COL14A1: variants seen among roughly 807,000 people sequenced by gnomAD.
COL14A1 encodes the protein collagen type XIV alpha 1 chain, also known as collagen alpha-1(XIV) chain.
Under a neutral mutation model 230.3 loss-of-function variants are expected in COL14A1, and 136 were observed. The ratio of observed to expected loss-of-function variants is 0.59; its 90% confidence interval spans 0.51 to 0.68. The LOEUF (loss-of-function observed/expected upper bound fraction) is 0.68. Ranked by LOEUF, COL14A1 falls within the 30% of genes least tolerant of loss-of-function variation. COL14A1 has a pLI of 0.00. For missense variants in COL14A1, 1,976 were observed against 2,215.8 expected (o/e 0.89, Z 2.17); for synonymous variants, 792 against 784.1 (o/e 1.01, Z -0.17).
chr8:120,310,868 C>T (rs1177736977), intron 37 of COL14A1, among the ~76,000 whole-genome samples: 1 of 152,238 alleles, frequency 6.6e-6, no homozygotes, highest in African/African-American at 2.4e-5. Context: ...TTTGCTGAGG[C>T]ATTTAAGGCC....
chr8:120,212,387 A>T (rs1817636840), intron 12 of COL14A1, 61 bp from the exon 13 acceptor site: 1 of 1,578,614 alleles, frequency 6.3e-7, no homozygotes, highest in Non-Finnish European at 8.7e-7. Context: ...GTTCTGTTCC[A>T]CTCTGATCAG....
rs1005384353 is a variant in COL14A1 at position 120,303,080 on chromosome 8, A to G, written c.4401+2262A>G. 4.6e-5 allele frequency among the ~76,000 whole-genome samples: 7 copies of G among 152,226 alleles called. No homozygotes were observed. The East Asian group carries it at 1.4e-3, about 29-fold the overall frequency. On this transcript the variant is annotated intron_variant, in intron 36 of 47. Transcript: ENST00000297848. Reference sequence around the variant, plus strand: ...ATAGGGATGTTAGTGATCTTTGTGCATTGATTTTATATCCTGAAACTTTGC... The same window carrying G: ...ATAGGGATGTTAGTGATCTTTGTGCGTTGATTTTATATCCTGAAACTTTGC...
intron 16 of COL14A1, 23 bp downstream of exon 16, chr8:120,226,789 A>T: frequency 1.9e-6 from 3 of 1,609,304 alleles, no homozygotes; most frequent in Non-Finnish European, 2.5e-6. Flanking sequence ...AAACAGACTG[A>T]AAATTAATCT....
chr8:120,250,847 G>T, intron 22 of COL14A1, 81 bp downstream of exon 22: 1 of 1,517,116 alleles, frequency 6.6e-7, no homozygotes, highest in South Asian at 1.2e-5. Context: ...TCGCTCTGTC[G>T]CTCAGGCTGG....
Position 120,269,432 on chromosome 8 carries a change from G to A in COL14A1, c.3074-603G>A, listed in dbSNP as rs956652810. ...ATACTTTCCCTTGGCTAGCATTAGT[G>A]TACATTTCTTGACATATATCAGTGG... is the stretch of plus-strand genomic sequence containing the variant. On this transcript the variant is annotated intron_variant, in intron 25 of 47. Coordinates refer to ENST00000297848, the MANE Select transcript of COL14A1 (RefSeq NM_021110.4). Among the ~76,000 whole-genome samples the A allele has an allele frequency of 2.6e-5, 4 of 151,754 alleles. No individual in the cohort carries two copies. The East Asian group carries it at 7.7e-4, about 29-fold the overall frequency.
chr8:120,143,212 T>C (rs567123850), intron 1 of COL14A1, among the ~76,000 whole-genome samples: 2 of 152,226 alleles, frequency 1.3e-5, no homozygotes, highest in South Asian at 4.1e-4. Context: ...TAAAGCCTGA[T>C]TGGCATATGC....
Position 120,315,944 on chromosome 8 carries a change from G to T in COL14A1, c.4606G>T (p.Gly1536Cys). ...KGDTGLPGPQ[G>C]IPGGVGSPGR... ...TCTTTTTTGTCCCTGTTCTACACAG[G>T]GTATCCCAGGAGGCGTTGGTTCACC... Residue 1536 changes from glycine to cysteine, a missense_variant and splice_region_variant, in exon 40 of 48, where the codon GGT (glycine) becomes TGT (cysteine). Coordinates refer to ENST00000297848, the MANE Select transcript of COL14A1 (RefSeq NM_021110.4). 1 of 1,613,720 alleles carries T rather than the reference G, an allele frequency of 6.2e-7. No individual in the cohort carries two copies. The highest frequency in any genetic ancestry group is 8.5e-7 in the Non-Finnish European group (1 of 1,179,952).
chr8:120,342,491 T>C (rs1822340261), intron 44 of COL14A1, 45 bp downstream of exon 44: 2 of 1,577,708 alleles, frequency 1.3e-6, no homozygotes, highest in Admixed American at 1.7e-5. Flanking sequence ...TAACAAACTC[T>C]CATCCAAAAG....
rs561894298 is a variant in COL14A1 at position 120,125,775 on chromosome 8, G to A, written c.-38+435G>A. Among the ~76,000 whole-genome samples, 29 of 152,262 alleles carry A rather than the reference G, an allele frequency of 1.9e-4. No homozygotes were observed. In the South Asian group the frequency reaches 5.2e-3, roughly 27 times the overall value. Reference sequence around the variant, plus strand: ...GCTGTGTGTGCATAAAGAACACGCTGTTTTTATTTATCTTGTGTTTGGGAT... The same window carrying A: ...GCTGTGTGTGCATAAAGAACACGCTATTTTTATTTATCTTGTGTTTGGGAT... On this transcript the variant is annotated intron_variant, in intron 1 of 47. Transcript: ENST00000297848.
At chr8:120,363,061 C>T (rs1053198158) in intron 45 of COL14A1, among the ~76,000 whole-genome samples, 1 of 152,170 alleles carries the variant, frequency 6.6e-6, no homozygotes, top group African/African-American at 2.4e-5. Flanking sequence ...GTTCACCTAA[C>T]CAAGGAGTAT....
intron 20 of COL14A1, 99 bp from the exon 21 acceptor site, chr8:120,247,514 A>AT: frequency 8.7e-7 from 1 of 1,143,388 alleles, no homozygotes; most frequent in Non-Finnish European, 1.2e-6. Flanking sequence ...AATATTTTTA[A>AT]TTTTGTGGGA....
intron 38 of COL14A1, among the ~76,000 whole-genome samples, 159 bp from the exon 39 acceptor site, chr8:120,315,374 A>T (rs1821184595): frequency 2.1e-5 from 1 of 46,960 alleles, no homozygotes; most frequent in African/African-American, 1.0e-4. Context: ...CCATTTAAAA[A>T]AAAAAAAAAA....
At position 120,313,998 on chromosome 8, in the gene COL14A1, C is replaced by T. The variant is rs1182480757; in HGVS notation, c.4522C>T (p.Pro1508Ser). 1.9e-6 allele frequency: 3 copies of T among 1,612,502 alleles called. No homozygotes were observed. The highest frequency in any genetic ancestry group is 2.2e-5 in the East Asian group (1 of 44,754). Residue 1508 changes from proline to serine, a missense_variant, in exon 38 of 48, where the codon CCA becomes TCA. Pro to Ser is a moderately conservative substitution (Grantham distance 74). Around this residue, in one of 3 missense-constraint regions of COL14A1, gnomAD observed 1,791 missense variants for 2,019.5 expected, o/e 0.89. Transcript: ENST00000297848. ...GPQGPPGPQG[P>S]SGLSIQGMPG... The stretch of plus-strand genomic sequence containing the variant: ...TCAGGGTCCACCTGGACCTCAAGGA[C>T]CAAGTGGTCTGTCCATTCAAGGAAT...
At chr8:120,278,925 A>G (rs1174454291) in intron 28 of COL14A1, among the ~76,000 whole-genome samples, 1 of 152,060 alleles carries the variant, frequency 6.6e-6, no homozygotes, top group African/African-American at 2.4e-5. Flanking sequence ...GACAGACTGG[A>G]TAAAGAAAAT....
intron 37 of COL14A1, among the ~76,000 whole-genome samples, chr8:120,312,412 G>A (rs1287345107): frequency 1.3e-5 from 2 of 152,118 alleles, no homozygotes; most frequent in Non-Finnish European, 2.9e-5. Context: ...ATAGATTAGA[G>A]TTTAATTTTT....
At chr8:120,207,770 G>A (rs1817485711) in intron 10 of COL14A1, among the ~76,000 whole-genome samples, 1 of 150,320 alleles carries the variant, frequency 6.7e-6, no homozygotes, top group South Asian at 2.1e-4. Context: ...AATGTTCTGT[G>A]TTATGGTAGG....
At chr8:120,153,346 C>A (rs1815351964) in intron 2 of COL14A1, among the ~76,000 whole-genome samples, 1 of 152,098 alleles carries the variant, frequency 6.6e-6, no homozygotes, top group South Asian at 2.1e-4. Flanking sequence ...CCACACTCAA[C>A]TGATTTTTGT....
chr8:120,193,461 G>T (rs1483896698), intron 5 of COL14A1, among the ~76,000 whole-genome samples: 1 of 152,182 alleles, frequency 6.6e-6, no homozygotes, highest in African/African-American at 2.4e-5. Flanking sequence ...CCCCTACTGG[G>T]CGGTGCCTCC....
intron 24 of COL14A1, among the ~76,000 whole-genome samples, chr8:120,264,361 G>C (rs943613519): frequency 2.0e-5 from 3 of 152,072 alleles, no homozygotes; most frequent in African/African-American, 7.2e-5. Flanking sequence ...GAAGTTAATA[G>C]GAACCTGATA....
Sources: allele counts gnomAD v4.1 joint callset (sites outside exome capture counted in the v4.1 genomes callset), GRCh38; gene constraint gnomAD v4.1.1; regional missense constraint gnomAD v4.1.1; transcripts MANE v1.5; gene names NCBI Gene and HGNC (gene_info 2026-07-23, HGNC 2026-07-21).